RXRG: variants seen among roughly 807,000 people sequenced by gnomAD.
The protein encoded by RXRG is retinoic acid receptor RXR-gamma.
Under a neutral mutation model 49.2 loss-of-function variants are expected in RXRG, and 19 were observed. The observed-to-expected ratio is 0.39, with a 90% CI of 0.27 to 0.57. RXRG has a LOEUF of 0.57. Among genes scored for constraint, RXRG ranks in the 20% least tolerant of loss-of-function variants. The pLI, the probability that RXRG is intolerant of heterozygous loss-of-function variation, is 0.64. For missense variants in RXRG, 452 were observed against 592.5 expected (o/e 0.76, Z 2.46); for synonymous variants, 224 against 216.6 (o/e 1.03, Z -0.30).
chr1:165,410,198 A>G (rs1657899393), intron 6 of RXRG, among the ~76,000 whole-genome samples: 1 of 152,270 alleles, frequency 6.6e-6, no homozygotes, highest in South Asian at 2.1e-4. Context: ...TGCTCAGCCA[A>G]TCTTCATGAA....
At chr1:165,439,714 C>G (rs1334886158) in intron 1 of RXRG, among the ~76,000 whole-genome samples, 4 of 152,356 alleles carry the variant, frequency 2.6e-5, no homozygotes, top group Admixed American at 6.5e-5. Context: ...GAAAGCTTCT[C>G]TCTGCTCCCC....
chr1:165,419,980 T>C lies in RXRG; in HGVS notation c.332A>G (p.Asp111Gly), dbSNP rs373208631. ...GGGAAGCCCTGGTAAGGGCTTGATG[T>C]CCTCTGAACTGCTGACACTGTTGAC... ...NVVNSVSSSEDIKPLPGLPGI... is the reference protein window; with the variant it reads ...NVVNSVSSSEGIKPLPGLPGI... The change falls in exon 3 of 10, where the codon GAC (aspartate) becomes GGC (glycine). Residue 111 changes from aspartate to glycine, a missense_variant. Around this residue, in one of 2 missense-constraint regions of RXRG, gnomAD observed 166 missense variants for 151.7 expected, o/e 1.09. Coordinates refer to ENST00000359842, the MANE Select transcript of RXRG (RefSeq NM_006917.5). 21 of 1,611,108 alleles carry C rather than the reference T, an allele frequency of 1.3e-5. No homozygotes were observed. The highest frequency in any genetic ancestry group is 1.7e-5 in the Non-Finnish European group (20 of 1,178,672).
At chr1:165,442,441 T>C (rs945207177) in intron 1 of RXRG, among the ~76,000 whole-genome samples, 2 of 152,234 alleles carry the variant, frequency 1.3e-5, no homozygotes, top group Non-Finnish European at 2.9e-5. Context: ...ACAACCTACA[T>C]GACCCTTTCC....
At chr1:165,401,944 C>T (rs571839625) in intron 9 of RXRG, among the ~76,000 whole-genome samples, 1 of 152,346 alleles carries the variant, frequency 6.6e-6, no homozygotes, top group East Asian at 1.9e-4. Context: ...AATGGGTTCT[C>T]ACCATGTTAC....
chr1:165,411,141 A>G (rs1250562749), intron 4 of RXRG, 32 bp from the exon 5 acceptor site: 3 of 1,606,996 alleles, frequency 1.9e-6, no homozygotes, highest in East Asian at 4.5e-5. Context: ...AGAGGTTACC[A>G]TAATGCCCAG....
chr1:165,435,665 T>G lies in RXRG; in HGVS notation c.50-6699A>C, dbSNP rs1315990077. Among the ~76,000 whole-genome samples the G allele has an allele frequency of 2.6e-5, 4 of 152,236 alleles. No individual in the cohort carries two copies. In the East Asian group the frequency reaches 7.7e-4, roughly 29 times the overall value. On this transcript the variant is annotated intron_variant, in intron 1 of 9. Coordinates refer to ENST00000359842, the MANE Select transcript of RXRG (RefSeq NM_006917.5). ...GGATCATAATGCATTCTTTTCCTTT[T>G]GAACACACATAATTGCACCAAATGA... is the stretch of plus-strand genomic sequence containing the variant.
chr1:165,414,292 G>T (rs1658054486), intron 4 of RXRG, among the ~76,000 whole-genome samples: 1 of 152,124 alleles, frequency 6.6e-6, no homozygotes, highest in South Asian at 2.1e-4. Context: ...AGCAAAAATT[G>T]GGTCCAACTT....
At chr1:165,437,708 C>G (rs995110227) in intron 1 of RXRG, among the ~76,000 whole-genome samples, 1 of 152,180 alleles carries the variant, frequency 6.6e-6, no homozygotes, top group Non-Finnish European at 1.5e-5. Flanking sequence ...GCTTCAAACA[C>G]TCATTGACAT....
chr1:165,437,207 C>T, intron 1 of RXRG: 1 of 1,367,616 alleles, frequency 7.3e-7, no homozygotes, highest in Non-Finnish European at 9.8e-7. Flanking sequence ...ACACCCTAGA[C>T]CAAGAAGAAT....
At position 165,413,773 on chromosome 1, in the gene RXRG, G is replaced by A. The variant is rs543184927; in HGVS notation, c.623-2664C>T. On this transcript the variant is annotated intron_variant, in intron 4 of 9. Transcript: ENST00000359842. ...ACAGGGTCTGCCATGTGCTTGCTGT[G>A]TGGGCTTGTGTGGGCTAGGCTCTCC... Among the ~76,000 whole-genome samples the A allele has an allele frequency of 1.8e-4, 27 of 148,090 alleles. No homozygotes were observed. The East Asian group carries it at 1.9e-3, about 10-fold the overall frequency.
intron 1 of RXRG, among the ~76,000 whole-genome samples, chr1:165,441,284 C>T (rs1658975957): frequency 6.6e-6 from 1 of 152,236 alleles, no homozygotes. Flanking sequence ...TCCACTGGGT[C>T]TGCAACAACC....
At chr1:165,419,471 G>A (rs1047116140) in intron 3 of RXRG, among the ~76,000 whole-genome samples, 1 of 151,628 alleles carries the variant, frequency 6.6e-6, no homozygotes, top group East Asian at 1.9e-4. Context: ...GCTCACTGCA[G>A]GCTTGACTTC....
chr1:165,408,228 T>C lies in RXRG; in HGVS notation c.1137A>G (p.Pro379=). 6.2e-7 allele frequency: 1 copy of C among 1,613,260 alleles called. No homozygotes were observed. Among genetic ancestry groups the C allele is most frequent in the South Asian group, 1.1e-5 (1 of 91,060 alleles). The change falls in exon 8 of 10, where the codon CCA becomes CCG. Residue 379 remains proline (P), a splice_region_variant and synonymous_variant. Transcript: ENST00000359842. The part of the protein sequence containing the change: ...GCLRAIVLFN[P]DAKGLSNPSE... ...CCCCTGGGGTTGAAGGGCGGTTACCTGGGTTAAAGAGTACAATGGCTCGCA... is the reference window on the plus strand; with the variant it reads ...CCCCTGGGGTTGAAGGGCGGTTACCCGGGTTAAAGAGTACAATGGCTCGCA...
At chr1:165,406,086 G>A (rs535668243) in intron 9 of RXRG, among the ~76,000 whole-genome samples, 1 of 152,266 alleles carries the variant, frequency 6.6e-6, no homozygotes, top group Admixed American at 6.5e-5. Flanking sequence ...ATTTTAACTG[G>A]CATTAGCAGA....
At chr1:165,436,014 A>G (rs971030790) in intron 1 of RXRG, among the ~76,000 whole-genome samples, 2 of 152,102 alleles carry the variant, frequency 1.3e-5, no homozygotes, top group Admixed American at 6.5e-5. Flanking sequence ...CATTCTGGAG[A>G]AGTTTTATTA....
At chr1:165,413,396 T>C (rs552125891) in intron 4 of RXRG, among the ~76,000 whole-genome samples, 1 of 152,222 alleles carries the variant, frequency 6.6e-6, no homozygotes, top group Non-Finnish European at 1.5e-5. Flanking sequence ...ACATTTTAGA[T>C]AGATTACATT....
intron 4 of RXRG, among the ~76,000 whole-genome samples, chr1:165,413,777 G>T (rs886612333): frequency 6.8e-6 from 1 of 146,788 alleles, no homozygotes; most frequent in Non-Finnish European, 1.5e-5. Context: ...TGCTGTGTGG[G>T]CTTGTGTGGG....
intron 4 of RXRG, among the ~76,000 whole-genome samples, chr1:165,416,479 G>A (rs1658131362): frequency 6.6e-6 from 1 of 152,106 alleles, no homozygotes; most frequent in Admixed American, 6.5e-5. Context: ...CCTGTGTAAT[G>A]CCAGTAATGC....
At chr1:165,418,112 A>C (rs1343382237) in intron 3 of RXRG, among the ~76,000 whole-genome samples, 2 of 9,876 alleles carry the variant, frequency 2.0e-4, no homozygotes, top group African/African-American at 4.9e-4. Context: ...TCCCGTCTCA[A>C]AAAAAAAAAA....
Sources: gnomAD v4.1 joint callset for allele counts (sites outside exome capture counted in the v4.1 genomes callset) on GRCh38, gnomAD v4.1.1 for gene constraint, gnomAD v4.1.1 regional missense constraint, MANE v1.5 for transcripts, NCBI Gene and HGNC (gene_info 2026-07-23, HGNC 2026-07-21) for gene names.